Variants in MRTFA observed in about 807,000 individuals in gnomAD.
MRTFA encodes the protein myocardin-related transcription factor A.
MRTFA carries 20 observed loss-of-function variants against 83.5 expected under a neutral mutation model. The observed-to-expected ratio is 0.24, with a 90% confidence interval of 0.17 to 0.35. MRTFA has a LOEUF of 0.35. MRTFA is among the 10% of genes least tolerant of loss of function. MRTFA has a pLI of 1.00. For synonymous variants in MRTFA, 659 were observed against 541.2 expected (o/e 1.22, Z -3.02); for missense variants, 1,200 against 1,224.7 (o/e 0.98, Z 0.30).
chr22:40,594,441 A>G (rs1303479442), intron 2 of MRTFA, among the ~76,000 whole-genome samples: 1 of 152,240 alleles, frequency 6.6e-6, no homozygotes. Context: ...CCAAAATTTT[A>G]CATTGGTTAT....
intron 1 of MRTFA, among the ~76,000 whole-genome samples, chr22:40,627,301 A>G (rs1164930295): frequency 6.6e-6 from 1 of 152,140 alleles, no homozygotes; most frequent in Non-Finnish European, 1.5e-5. Flanking sequence ...TCTTGTAGAC[A>G]CACGGTCTTG....
chr22:40,548,855 T>A (rs545950006), intron 3 of MRTFA, among the ~76,000 whole-genome samples: 1 of 151,300 alleles, frequency 6.6e-6, no homozygotes, highest in South Asian at 2.1e-4. Context: ...AGAGTGAGAC[T>A]CTGTCTCAAA....
At chr22:40,489,777 G>A (rs1016483009) in intron 3 of MRTFA, among the ~76,000 whole-genome samples, 6 of 151,976 alleles carry the variant, frequency 3.9e-5, no homozygotes, top group East Asian at 3.9e-4. Context: ...TCAGGAGTTC[G>A]AGACCAGCCT....
In MRTFA at chr22:40,410,938, G is replaced by C. The variant is rs2052507320; in HGVS notation, c.*452C>G. 4 of 235,944 alleles carry C rather than the reference G, an allele frequency of 1.7e-5. No individual in the cohort carries two copies. Among genetic ancestry groups the C allele is most frequent in the South Asian group, 1.8e-4 (1 of 5,594 alleles). The allele number at this position is 235,944 out of a possible 1,614,324, so 14.6% of individuals were successfully genotyped here. On this transcript the variant is annotated 3_prime_UTR_variant, in exon 15 of 15. Coordinates refer to ENST00000355630, the MANE Select transcript of MRTFA (RefSeq NM_020831.6). ...TGGGGTTGGCAGACACAGGGAATAG[G>C]GGGTAGAGGCCCAGGCTAATTTCTC...
chr22:40,625,232 C>T (rs1318080762), intron 1 of MRTFA, among the ~76,000 whole-genome samples: 1 of 151,584 alleles, frequency 6.6e-6, no homozygotes, highest in Non-Finnish European at 1.5e-5. Flanking sequence ...GTAATCCCAA[C>T]ATTTTAAGAG....
At chr22:40,589,301 CAA>C (rs1165308318) in intron 2 of MRTFA, among the ~76,000 whole-genome samples, 1 of 152,152 alleles carries the variant, frequency 6.6e-6, no homozygotes, top group Non-Finnish European at 1.5e-5. Flanking sequence ...TACTATGTGA[CAA>C]GTGTTATCAG....
At chr22:40,502,151 CGGGGGGCTG>C (rs2054497318) in intron 3 of MRTFA, among the ~76,000 whole-genome samples, 1 of 127,308 alleles carries the variant, frequency 7.9e-6, no homozygotes, top group African/African-American at 3.0e-5. Flanking sequence ...GCTGGCCGGG[CGGGGGGCTG>C]ACCCCCCCCA....
chr22:40,609,482 CAAAAAAAAAA>C (rs148106089), intron 1 of MRTFA, among the ~76,000 whole-genome samples: 4 of 69,722 alleles, frequency 5.7e-5, no homozygotes, highest in African/African-American at 1.4e-4. Flanking sequence ...GTCTCTTTAA[CAAAAAAAAAA>C]AAAAAAAAAA....
At chr22:40,555,604 C>A (rs1043115719) in intron 2 of MRTFA, among the ~76,000 whole-genome samples, 2 of 149,180 alleles carry the variant, frequency 1.3e-5, no homozygotes, top group African/African-American at 2.4e-5. Context: ...ATATATATAT[C>A]TCCACTCACT....
intron 3 of MRTFA, among the ~76,000 whole-genome samples, chr22:40,516,151 C>T (rs1306599509): frequency 1.3e-5 from 2 of 152,068 alleles, no homozygotes; most frequent in Non-Finnish European, 2.9e-5. Context: ...GGCACGGTGG[C>T]TCATGCCTGT....
intron 2 of MRTFA, among the ~76,000 whole-genome samples, chr22:40,572,980 C>T (rs1261713600): frequency 3.3e-5 from 5 of 152,044 alleles, no homozygotes; most frequent in African/African-American, 1.2e-4. Context: ...ATGGATGAGC[C>T]CTGAAAGCAC....
intron 2 of MRTFA, among the ~76,000 whole-genome samples, chr22:40,564,364 G>C (rs967000739): frequency 1.2e-4 from 19 of 152,146 alleles, no homozygotes; most frequent in African/African-American, 4.6e-4. Flanking sequence ...AAGATTACAA[G>C]AATAGGAAGA....
intron 4 of MRTFA, among the ~76,000 whole-genome samples, chr22:40,455,837 T>TATGTATGTATGTATGC (rs2053577289): frequency 6.6e-6 from 1 of 151,634 alleles, no homozygotes; most frequent in Non-Finnish European, 1.5e-5. Context: ...TGTATGTATG[T>TATGTATGTATGTATGC]ATGTATGTAT....
At chr22:40,528,381 C>A (rs2055016061) in intron 3 of MRTFA, among the ~76,000 whole-genome samples, 1 of 152,168 alleles carries the variant, frequency 6.6e-6, no homozygotes, top group Non-Finnish European at 1.5e-5. Context: ...ATTTCCTCAT[C>A]TTAAAGTGGA....
At chr22:40,531,841 G>A (rs1241904317) in intron 3 of MRTFA, among the ~76,000 whole-genome samples, 1 of 152,184 alleles carries the variant, frequency 6.6e-6, no homozygotes, top group Non-Finnish European at 1.5e-5. Flanking sequence ...GAACAAAACA[G>A]TAGCAATTTT....
chr22:40,609,702 G>A (rs917623153), intron 1 of MRTFA, among the ~76,000 whole-genome samples: 13 of 151,494 alleles, frequency 8.6e-5, no homozygotes, highest in Non-Finnish European at 8.8e-5. Flanking sequence ...CATGGTGGAG[G>A]GCACCTGTAA....
chr22:40,514,652 T>C (rs1379523744), intron 3 of MRTFA, among the ~76,000 whole-genome samples: 1 of 47,078 alleles, frequency 2.1e-5, no homozygotes, highest in East Asian at 9.4e-3. Context: ...TTTTGTATGT[T>C]TTTTTTTAGT....
intron 3 of MRTFA, among the ~76,000 whole-genome samples, chr22:40,515,764 A>G (rs1439611396): frequency 2.0e-5 from 3 of 152,170 alleles, no homozygotes; most frequent in Non-Finnish European, 4.4e-5. Flanking sequence ...GTATATAAGG[A>G]CAAATATTGA....
intron 3 of MRTFA, among the ~76,000 whole-genome samples, chr22:40,482,060 C>CAAA (rs35483565): frequency 1.0e-5 from 1 of 99,444 alleles, no homozygotes; most frequent in Non-Finnish European, 2.1e-5. Context: ...ACTCCCATCT[C>CAAA]AAAAAAAAAA....
Sources: gnomAD v4.1 joint callset for allele counts (sites outside exome capture counted in the v4.1 genomes callset) on GRCh38, gnomAD v4.1.1 for gene constraint, MANE v1.5 for transcripts, NCBI Gene and HGNC (gene_info 2026-07-23, HGNC 2026-07-21) for gene names.